Variants in GSK3B observed in about 807,000 individuals in gnomAD.
GSK3B encodes glycogen synthase kinase-3 beta.
GSK3B carries 15 observed loss-of-function variants against 56.4 expected under a neutral mutation model. The observed-to-expected ratio is 0.27, with a 90% CI of 0.18 to 0.41. The LOEUF is 0.41. GSK3B is among the 10% of genes least tolerant of loss of function. The pLI is 1.00. For missense variants in GSK3B, 300 were observed against 513.4 expected, an observed-to-expected ratio of 0.58 and a Z score of 4.02; for synonymous variants, 181 against 188.9, an observed-to-expected ratio of 0.96 and a Z score of 0.34.
intron 7 of GSK3B, among the ~76,000 whole-genome samples, chr3:119,898,022 GTAAGCTGAAAATATCC>G (rs2108072737): frequency 6.6e-6 from 1 of 152,160 alleles, no homozygotes; most frequent in African/African-American, 2.4e-5. Context: ...CCCATACATA[GTAAGCTGAAAATATCC>G]TAAGCTGAAA....
At position 119,947,288 on chromosome 3, in the gene GSK3B, A is replaced by C; in HGVS notation, c.346T>G (p.Phe116Val). ...HCNIVRLRYF[F>V]YSSGEKKDEV... The stretch of plus-strand genomic sequence containing the variant: ...CCTACCTTCTCACCACTGGAGTAGA[A>C]GAAATAACGCAATCGGACTATGTTA... Residue 116 changes from phenylalanine (F) to valine (V), a missense_variant, in exon 3 of 11, where the codon TTC (phenylalanine) becomes GTC (valine). Phe to Val is a conservative substitution (Grantham distance 50). Around this residue, in one of 6 missense-constraint regions of GSK3B, gnomAD observed 62 missense variants for 84.0 expected, o/e 0.74. Coordinates refer to ENST00000264235, the MANE Select transcript of GSK3B (RefSeq NM_001146156.2). The C allele has an allele frequency of 6.3e-7, 1 of 1,592,986 alleles. No homozygotes were observed. Among genetic ancestry groups the C allele is most frequent in the Non-Finnish European group, 8.6e-7 (1 of 1,160,866 alleles).
At chr3:120,023,081 T>A (rs542488579) in intron 1 of GSK3B, among the ~76,000 whole-genome samples, 1 of 152,200 alleles carries the variant, frequency 6.6e-6, no homozygotes, top group South Asian at 2.1e-4. Flanking sequence ...CATCTCCTAC[T>A]GTTAACTACC....
intron 7 of GSK3B, among the ~76,000 whole-genome samples, chr3:119,879,208 T>A (rs1559819965): frequency 6.6e-6 from 1 of 152,076 alleles, no homozygotes; most frequent in Non-Finnish European, 1.5e-5. Context: ...AGAGACGGAG[T>A]CTCACACTGT....
chr3:119,864,069 T>C (rs1164204728), intron 8 of GSK3B, among the ~76,000 whole-genome samples: 1 of 152,198 alleles, frequency 6.6e-6, no homozygotes, highest in Non-Finnish European at 1.5e-5. Flanking sequence ...CTATTTACTC[T>C]AGGTCTATAA....
intron 1 of GSK3B, among the ~76,000 whole-genome samples, chr3:120,046,221 G>C (rs531696879): frequency 6.6e-6 from 1 of 152,284 alleles, no homozygotes; most frequent in East Asian, 1.9e-4. Context: ...AATACCCACA[G>C]AACTATACAA....
chr3:119,865,918 AT>A (rs1223777163), intron 8 of GSK3B, among the ~76,000 whole-genome samples: 1 of 152,186 alleles, frequency 6.6e-6, no homozygotes, highest in African/African-American at 2.4e-5. Context: ...AATGAAGAAA[AT>A]AATACATGTC....
At chr3:119,919,786 C>A (rs1370656515) in intron 4 of GSK3B, among the ~76,000 whole-genome samples, 2 of 151,842 alleles carry the variant, frequency 1.3e-5, no homozygotes, top group Non-Finnish European at 2.9e-5. Context: ...TTATTGGTCA[C>A]TGGGTGAATT....
intron 1 of GSK3B, among the ~76,000 whole-genome samples, chr3:120,069,025 G>A (rs2058304652): frequency 6.6e-6 from 1 of 152,080 alleles, no homozygotes; most frequent in Non-Finnish European, 1.5e-5. Context: ...AGAAAGGAAG[G>A]AAAGGGAAAG....
intron 3 of GSK3B, among the ~76,000 whole-genome samples, chr3:119,946,374 T>A (rs1054509103): frequency 6.6e-6 from 1 of 152,142 alleles, no homozygotes; most frequent in African/African-American, 2.4e-5. Context: ...AAAACTGTTA[T>A]ACTAAAAAAC....
intron 7 of GSK3B, among the ~76,000 whole-genome samples, chr3:119,883,241 A>C (rs1318879916): frequency 6.6e-6 from 1 of 151,998 alleles, no homozygotes; most frequent in Non-Finnish European, 1.5e-5. Flanking sequence ...ACATATTAAA[A>C]AATACTAAAA....
At chr3:120,047,208 T>C (rs1410917675) in intron 1 of GSK3B, among the ~76,000 whole-genome samples, 4 of 152,230 alleles carry the variant, frequency 2.6e-5, no homozygotes, top group Admixed American at 6.5e-5. Flanking sequence ...TGATAAGTAA[T>C]GTATTTCCTA....
rs200590303 is a variant in GSK3B at position 119,866,896 on chromosome 3, TTTA to T, written c.910-3294_910-3292del. On this transcript the variant is annotated intron_variant, in intron 8 of 10. Transcript: ENST00000264235. ...CAGTAAAGAAACATTTTAATTTTAG[TTTA>T]TTATGTTCCAATGCCAGTGCGTTTA... 1.2e-3 allele frequency among the ~76,000 whole-genome samples: 190 copies of T among 152,242 alleles called. 4 individuals are homozygous for T. In the East Asian group the frequency reaches 0.026, roughly 21 times the overall value.
At chr3:120,050,432 AAAC>A (rs1242489503) in intron 1 of GSK3B, among the ~76,000 whole-genome samples, 1 of 152,256 alleles carries the variant, frequency 6.6e-6, no homozygotes, top group African/African-American at 2.4e-5. Flanking sequence ...TATAGTTTGC[AAAC>A]CTCTGGTCTA....
intron 8 of GSK3B, among the ~76,000 whole-genome samples, chr3:119,873,637 C>G (rs2056274248): frequency 6.6e-6 from 1 of 151,948 alleles, no homozygotes; most frequent in African/African-American, 2.4e-5. Context: ...TGAGTTCCCT[C>G]TAGGAATTTT....
At chr3:119,912,153 T>G (rs141486996) in intron 6 of GSK3B, among the ~76,000 whole-genome samples, 4 of 152,254 alleles carry the variant, frequency 2.6e-5, no homozygotes, top group Non-Finnish European at 5.9e-5. Context: ...ATTGGCCTAA[T>G]TTCAATATTG....
At chr3:119,967,629 C>T (rs2057329396) in intron 2 of GSK3B, among the ~76,000 whole-genome samples, 1 of 152,126 alleles carries the variant, frequency 6.6e-6, no homozygotes, top group Admixed American at 6.5e-5. Context: ...GTTGTCAACA[C>T]AATTCTATAA....
At chr3:119,909,663 T>C (rs2056716764) in intron 6 of GSK3B, among the ~76,000 whole-genome samples, 1 of 152,274 alleles carries the variant, frequency 6.6e-6, no homozygotes, top group Non-Finnish European at 1.5e-5. Context: ...TTAAAGCTAA[T>C]GGTCTCTATT....
chr3:120,053,682 A>C (rs2107544865), intron 1 of GSK3B, among the ~76,000 whole-genome samples: 1 of 152,318 alleles, frequency 6.6e-6, no homozygotes, highest in Non-Finnish European at 1.5e-5. Flanking sequence ...AGCTGCCAAA[A>C]TTCCTACGTG....
At chr3:119,979,407 C>T (rs1391663388) in intron 2 of GSK3B, among the ~76,000 whole-genome samples, 2 of 152,098 alleles carry the variant, frequency 1.3e-5, no homozygotes, top group African/African-American at 4.8e-5. Context: ...TGCATCTGCT[C>T]CTAGCCTGTC....
Sources: gnomAD v4.1 joint callset for allele counts (sites outside exome capture counted in the v4.1 genomes callset) on GRCh38, gnomAD v4.1.1 for gene constraint, gnomAD v4.1.1 regional missense constraint, MANE v1.5 for transcripts, NCBI Gene and HGNC (gene_info 2026-07-23, HGNC 2026-07-21) for gene names.